Variants in CEACAM7 observed in about 807,000 individuals in gnomAD.
CEACAM7 encodes the protein CEA cell adhesion molecule 7.
CEACAM7 carries 24 observed loss-of-function variants against 25.7 expected under a neutral mutation model. The observed-to-expected ratio is 0.93, with a 90% CI of 0.68 to 1.31. The LOEUF (loss-of-function observed/expected upper bound fraction) is 1.31, where lower values mean the gene tolerates loss of function less well. Among genes scored for constraint, CEACAM7 ranks in the 40% most tolerant of loss-of-function variants. CEACAM7 has a pLI of 0.00. For missense variants in CEACAM7, 324 were observed against 330.1 expected, an observed-to-expected ratio of 0.98 and a Z score of 0.14; for synonymous variants, 144 against 129.4, an observed-to-expected ratio of 1.11 and a Z score of -0.77.
chr19:41,683,917 G>T lies in CEACAM7; in HGVS notation c.574C>A (p.Leu192Met), dbSNP rs782344266. Residue 192 changes from leucine (L) to methionine (M), a missense_variant, in exon 3 of 5, where the codon CTG becomes ATG. By Grantham distance (15) the Leu-to-Met change is conservative. Coordinates refer to ENST00000401731, the MANE Select transcript of CEACAM7 (RefSeq NM_001291485.2). ...NNQSLLVSPR[L>M]LLSTDNRTLV... ...GTCCTGTTGTCAGTGGAGAGCAGCA[G>T]CCTGGGACTGACCAGGAGGCTCTGA... 6.2e-7 allele frequency: 1 copy of T among 1,614,228 alleles called. No homozygotes were observed. The highest frequency in any genetic ancestry group is 1.1e-5 in the South Asian group (1 of 91,078).
At chr19:41,676,412 G>C (rs781928467) in intron 4 of CEACAM7, among the ~76,000 whole-genome samples, 1 of 152,180 alleles carries the variant, frequency 6.6e-6, no homozygotes, top group Admixed American at 6.5e-5. Flanking sequence ...CCAAGTTGGA[G>C]TGCAGAGGCA....
At chr19:41,685,472 A>G (rs1356127584) in intron 2 of CEACAM7, among the ~76,000 whole-genome samples, 1 of 152,128 alleles carries the variant, frequency 6.6e-6, no homozygotes, top group Non-Finnish European at 1.5e-5. Flanking sequence ...GGGACAGGGA[A>G]CAGGTGCCAG....
chr19:41,677,297 G>A, intron 4 of CEACAM7, 79 bp downstream of exon 4: 1 of 735,292 alleles, frequency 1.4e-6, no homozygotes. Context: ...AGATACAGGT[G>A]AAGAAGTCCT....
At chr19:41,685,311 C>CG (rs1299824486) in intron 2 of CEACAM7, among the ~76,000 whole-genome samples, 1 of 149,128 alleles carries the variant, frequency 6.7e-6, no homozygotes, top group African/African-American at 2.5e-5. Flanking sequence ...TGGGTGGCTT[C>CG]TTTTTTTTTT....
At chr19:41,685,232 G>C (rs1024775700) in intron 2 of CEACAM7, among the ~76,000 whole-genome samples, 1 of 152,136 alleles carries the variant, frequency 6.6e-6, no homozygotes, top group Non-Finnish European at 1.5e-5. Context: ...TCAGTGTAGA[G>C]AGCAGATAGA....
At chr19:41,677,808 C>T (rs2072130759) in intron 3 of CEACAM7, among the ~76,000 whole-genome samples, 1 of 152,004 alleles carries the variant, frequency 6.6e-6, no homozygotes, top group Non-Finnish European at 1.5e-5. Flanking sequence ...TTAAAACTTC[C>T]CACTTTTTCA....
intron 4 of CEACAM7, 83 bp downstream of exon 4, chr19:41,677,293 A>G: frequency 2.9e-6 from 2 of 697,552 alleles, no homozygotes; most frequent in South Asian, 1.8e-5. Flanking sequence ...TCCCAGATAC[A>G]GGTGAAGAAG....
At chr19:41,682,824 C>T (rs868946875) in intron 3 of CEACAM7, among the ~76,000 whole-genome samples, 6 of 152,346 alleles carry the variant, frequency 3.9e-5, no homozygotes, top group African/African-American at 4.8e-5. Flanking sequence ...CAAAAAGGGA[C>T]GTATTGATGA....
At chr19:41,676,854 A>G (rs2072118865) in intron 4 of CEACAM7, among the ~76,000 whole-genome samples, 1 of 152,214 alleles carries the variant, frequency 6.6e-6, no homozygotes, top group African/African-American at 2.4e-5. Flanking sequence ...GACAGATCTA[A>G]TTAGGATGGA....
intron 3 of CEACAM7, among the ~76,000 whole-genome samples, chr19:41,681,400 C>T (rs2072174634): frequency 6.6e-6 from 1 of 152,144 alleles, no homozygotes; most frequent in South Asian, 2.1e-4. Context: ...AAAGCATTAC[C>T]ATTTGATGCA....
chr19:41,681,627 G>A (rs1048884720), intron 3 of CEACAM7, among the ~76,000 whole-genome samples: 1 of 152,058 alleles, frequency 6.6e-6, no homozygotes. Context: ...ATAAAATGCC[G>A]AGCATTTACA....
At position 41,674,232 on chromosome 19, in the gene CEACAM7, C is replaced by T. The variant is rs376073158; in HGVS notation, c.*544G>A. On this transcript the variant is annotated 3_prime_UTR_variant, in exon 5 of 5. Coordinates refer to ENST00000401731, the MANE Select transcript of CEACAM7 (RefSeq NM_001291485.2). ...GAGGTCTAACTCTAACAGGGACCAC[C>T]GTGCATTTGAATAAACAGTTGTATT... The T allele has an allele frequency of 3.3e-5, 5 of 152,332 alleles. No individual in the cohort carries two copies. Among genetic ancestry groups the T allele is most frequent in the East Asian group, 1.9e-4 (1 of 5,192 alleles). The allele number at this position is 152,332 out of a possible 1,614,324, so 9.4% of individuals were successfully genotyped here.
At chr19:41,675,051 C>T (rs1555809989) in intron 4 of CEACAM7, among the ~76,000 whole-genome samples, 1 of 152,184 alleles carries the variant, frequency 6.6e-6, no homozygotes. Flanking sequence ...GAAGCCAAAC[C>T]AAGGCTGACT....
intron 3 of CEACAM7, among the ~76,000 whole-genome samples, chr19:41,682,055 C>G (rs550220921): frequency 2.0e-5 from 3 of 152,292 alleles, no homozygotes; most frequent in African/African-American, 7.2e-5. Flanking sequence ...AAGTGGTCCT[C>G]CCGCCTCAGC....
intron 1 of CEACAM7, 24 bp from the exon 2 acceptor site, chr19:41,687,245 T>C: frequency 6.4e-7 from 1 of 1,569,086 alleles, no homozygotes; most frequent in Non-Finnish European, 8.6e-7. Flanking sequence ...AGAACATCAG[T>C]CAATATTGGG....
chr19:41,679,839 T>C (rs1350319388), intron 3 of CEACAM7, among the ~76,000 whole-genome samples: 1 of 149,838 alleles, frequency 6.7e-6, no homozygotes, highest in Non-Finnish European at 1.5e-5. Flanking sequence ...TCTCATTTTA[T>C]TGCCCAAGCT....
At chr19:41,684,178 G>T in intron 2 of CEACAM7, 115 bp from the exon 3 acceptor site, 1 of 1,094,912 alleles carries the variant, frequency 9.1e-7, no homozygotes, top group African/African-American at 1.6e-5. Flanking sequence ...GTCCTTAAAA[G>T]CCCACAGAAG....
In CEACAM7 at chr19:41,686,860, G is replaced by T. The variant is rs143206746; in HGVS notation, c.426C>A (p.Phe142Leu). 654 of 1,525,760 alleles carry T rather than the reference G, an allele frequency of 4.3e-4. 5 individuals carry two copies. In the East Asian group the frequency reaches 0.014, roughly 32 times the overall value. 94.5% of individuals were successfully genotyped at this position (1,525,760 alleles called of 1,614,324 possible). A position where few individuals can be genotyped will look rare whatever the true frequency, so the allele number is the denominator to read the frequency against. The change falls in exon 2 of 5, where the codon TTC (phenylalanine) becomes TTA (leucine). Residue 142 changes from phenylalanine (F) to leucine (L), a missense_variant and splice_region_variant. Coordinates refer to ENST00000401731, the MANE Select transcript of CEACAM7 (RefSeq NM_001291485.2). The stretch of plus-strand genomic sequence containing the variant: ...AGAAGTCATGGAGGTATCACTCACA[G>T]AATACGTAGAATTGTCTGGTTACTT... ...NEEVTRQFYV[F>L]SEPPKPSITS...
In CEACAM7 at chr19:41,688,135, C is replaced by G. The variant is rs782249899; in HGVS notation, c.31G>C (p.Val11Leu). 53 of 1,612,188 alleles carry G rather than the reference C, an allele frequency of 3.3e-5. No homozygotes were observed. In the Admixed American group the frequency reaches 8.5e-4, roughly 26 times the overall value. The stretch of plus-strand genomic sequence containing the variant: ...AGGAGCCCCTGCCAGGGAATGCACA[C>G]TCTGTATGGACAGGCTGAAGGGGAC... Reference protein sequence around the residue: MGSPSACPYRVCIPWQGLLLT... With the variant: MGSPSACPYRLCIPWQGLLLT... Residue 11 changes from valine to leucine, a missense_variant, in exon 1 of 5, where the codon GTG becomes CTG. Physicochemically the swap from Val to Leu is conservative, Grantham distance 32. Coordinates refer to ENST00000401731, the MANE Select transcript of CEACAM7 (RefSeq NM_001291485.2).
Sources: allele counts gnomAD v4.1 joint callset (sites outside exome capture counted in the v4.1 genomes callset), GRCh38; gene constraint gnomAD v4.1.1; transcripts MANE v1.5; gene names NCBI Gene and HGNC (gene_info 2026-07-23, HGNC 2026-07-21).